Variants in APOBEC3C observed in about 807,000 individuals in gnomAD.
APOBEC3C encodes the protein apolipoprotein B mRNA editing enzyme catalytic subunit 3C.
Under a neutral mutation model 20.6 loss-of-function variants are expected in APOBEC3C, and 14 were observed. The observed-to-expected ratio is 0.68, with a 90% CI of 0.45 to 1.06. The LOEUF is 1.06. Among genes scored for constraint, APOBEC3C ranks in the 50% least tolerant of loss-of-function variants. The pLI, the probability that APOBEC3C is intolerant of heterozygous loss-of-function variation, is 0.00. For synonymous variants in APOBEC3C, 98 were observed against 88.8 expected (o/e 1.10, Z -0.58); for missense variants, 244 against 241.9 (o/e 1.01, Z -0.06).
chr22:39,014,871 G>T (rs1026313513), intron 1 of APOBEC3C, among the ~76,000 whole-genome samples: 1 of 152,206 alleles, frequency 6.6e-6, no homozygotes, highest in Non-Finnish European at 1.5e-5. Context: ...TTCTTCCAAA[G>T]ATGCCTCCAC....
intron 1 of APOBEC3C, among the ~76,000 whole-genome samples, 196 bp from the exon 2 acceptor site, chr22:39,015,399 G>C (rs73887529): frequency 0.056 from 8,557 of 151,880 alleles, 839 homozygotes; most frequent in African/African-American, 0.2. Context: ...CGGCCCTGCT[G>C]CCCCTGCCAG....
chr22:39,017,762 C>A lies in APOBEC3C; in HGVS notation c.175-4C>A. Reference sequence around the variant, plus strand: ...CCCCTGTCCTCCTCCTCCTCCTTCGCCAGGTGGATTCTGAGACCCATTGTC... The same window carrying A: ...CCCCTGTCCTCCTCCTCCTCCTTCGACAGGTGGATTCTGAGACCCATTGTC... On this transcript the variant is annotated splice_region_variant and splice_polypyrimidine_tract_variant and intron_variant, in intron 2 of 3. Coordinates refer to ENST00000361441, the MANE Select transcript of APOBEC3C (RefSeq NM_014508.3). The A allele has an allele frequency of 6.2e-7, 1 of 1,611,572 alleles. No homozygotes were observed. Among genetic ancestry groups the A allele is most frequent in the East Asian group, 2.2e-5 (1 of 44,842 alleles).
chr22:39,016,605 G>A (rs563084758), intron 2 of APOBEC3C, among the ~76,000 whole-genome samples: 1 of 152,124 alleles, frequency 6.6e-6, no homozygotes, highest in Admixed American at 6.5e-5. Context: ...CCTCCCAAAA[G>A]GCCTTGTTTA....
At position 39,020,093 on chromosome 22, in the gene APOBEC3C, G is replaced by C. The variant is rs1924985655; in HGVS notation, c.*1706G>C. Reference sequence around the variant, plus strand: ...TTACAGGCATCAGCCACTATGCCCGGCTGGGATCATATGTTCCACACATGT... The same window carrying C: ...TTACAGGCATCAGCCACTATGCCCGCCTGGGATCATATGTTCCACACATGT... On this transcript the variant is annotated 3_prime_UTR_variant, in exon 4 of 4. Transcript: ENST00000361441. The C allele has an allele frequency of 6.6e-6, 1 of 152,140 alleles. No homozygotes were observed. Among genetic ancestry groups the C allele is most frequent in the Admixed American group, 6.5e-5 (1 of 15,268 alleles). The allele number at this position is 152,140 out of a possible 1,614,324, so 9.4% of individuals were successfully genotyped here.
At position 39,020,147 on chromosome 22, in the gene APOBEC3C, C is replaced by T. The variant is rs1383468625; in HGVS notation, c.*1760C>T. On this transcript the variant is annotated 3_prime_UTR_variant, in exon 4 of 4. Transcript: ENST00000361441. Reference sequence around the variant, plus strand: ...TTCAATAAGCATGGACTGCAACCACCTACATGAATATTCATAGCTCCTCCT... The same window carrying T: ...TTCAATAAGCATGGACTGCAACCACTTACATGAATATTCATAGCTCCTCCT... The T allele has an allele frequency of 1.3e-5, 2 of 152,114 alleles. No individual in the cohort carries two copies. Among genetic ancestry groups the T allele is most frequent in the South Asian group, 2.1e-4 (1 of 4,826 alleles). 9.4% of individuals were successfully genotyped at this position (152,114 alleles called of 1,614,324 possible). A position where few individuals can be genotyped will look rare whatever the true frequency, so the allele number is the denominator to read the frequency against.
In APOBEC3C at chr22:39,018,256, T is replaced by C; in HGVS notation, c.455-13T>C. The C allele has an allele frequency of 1.2e-6, 2 of 1,612,184 alleles. No individual in the cohort carries two copies. The highest frequency in any genetic ancestry group is 2.2e-5 in the East Asian group (1 of 44,882). The stretch of plus-strand genomic sequence containing the variant: ...TGCTGGGCCCTCACTGTTTTCTCCT[T>C]GTTTTTTCTCAGATTTTAAATATTG... On this transcript the variant is annotated splice_polypyrimidine_tract_variant and intron_variant, in intron 3 of 3. Coordinates refer to ENST00000361441, the MANE Select transcript of APOBEC3C (RefSeq NM_014508.3).
rs560491506 is a variant in APOBEC3C, at chr22:39,017,310, G to C, written c.175-456G>C. On this transcript the variant is annotated intron_variant, in intron 2 of 3. Coordinates refer to ENST00000361441, the MANE Select transcript of APOBEC3C (RefSeq NM_014508.3). ...GAAACTCAATGAATAAAACACCCTG[G>C]GGCCTACTATGTAGCCAGAAAAATG... Among the ~76,000 whole-genome samples the C allele has an allele frequency of 2.2e-4, 34 of 151,996 alleles. No homozygotes were observed. In the South Asian group the frequency reaches 2.5e-3, roughly 11 times the overall value.
chr22:39,015,447 G>C, intron 1 of APOBEC3C, 148 bp from the exon 2 acceptor site: 1 of 940,360 alleles, frequency 1.1e-6, no homozygotes, highest in Non-Finnish European at 1.6e-6. Context: ...CTTCCTGCCT[G>C]GGAAAGCAGC....
Position 39,016,133 on chromosome 22 carries a change from C to A in APOBEC3C, c.174+382C>A, listed in dbSNP as rs1055225445. 1.1e-4 allele frequency among the ~76,000 whole-genome samples: 17 copies of A among 151,930 alleles called. No homozygotes were observed. In the South Asian group the frequency reaches 3.5e-3, roughly 32 times the overall value. ...CCTCAAGTGATCCACCAGCCTTGGC[C>A]TCCCAAAGTGCTAGGATTACATGCG... is the stretch of plus-strand genomic sequence containing the variant. On this transcript the variant is annotated intron_variant, in intron 2 of 3. Coordinates refer to ENST00000361441, the MANE Select transcript of APOBEC3C (RefSeq NM_014508.3).
chr22:39,014,348 T>C lies in APOBEC3C; in HGVS notation c.-15T>C. 6.2e-7 allele frequency: 1 copy of C among 1,614,066 alleles called. No individual in the cohort carries two copies. The highest frequency in any genetic ancestry group is 8.5e-7 in the Non-Finnish European group (1 of 1,180,002). Reference sequence around the variant, plus strand: ...AAAGAGTGGGACAGGGACAAGCATATCTAAGAGGCTGAACATGAATCCACA... The same window carrying C: ...AAAGAGTGGGACAGGGACAAGCATACCTAAGAGGCTGAACATGAATCCACA... On this transcript the variant is annotated 5_prime_UTR_variant, in exon 1 of 4. Coordinates refer to ENST00000361441, the MANE Select transcript of APOBEC3C (RefSeq NM_014508.3).
intron 2 of APOBEC3C, among the ~76,000 whole-genome samples, chr22:39,016,727 G>A (rs900738072): frequency 4.6e-5 from 7 of 152,180 alleles, no homozygotes; most frequent in African/African-American, 1.2e-4. Context: ...GTTGTGTCCA[G>A]CGCTGTGTCT....
rs1924849306 is a variant in APOBEC3C at position 39,017,829 on chromosome 22, C to T, written c.238C>T (p.Leu80=). ...CFLSWFCDDI[L]SPNTKYQVTW... Reference sequence around the variant, plus strand: ...CCTCTCTTGGTTCTGCGACGACATACTGTCTCCTAACACAAAGTACCAGGT... The same window carrying T: ...CCTCTCTTGGTTCTGCGACGACATATTGTCTCCTAACACAAAGTACCAGGT... The change falls in exon 3 of 4, where the codon CTG becomes TTG. Residue 80 remains leucine (L), a synonymous_variant. Transcript: ENST00000361441. The T allele has an allele frequency of 6.2e-7, 1 of 1,614,026 alleles. No homozygotes were observed. Among genetic ancestry groups the T allele is most frequent in the Admixed American group, 1.7e-5 (1 of 60,000 alleles).
intron 1 of APOBEC3C, 39 bp from the exon 2 acceptor site, chr22:39,015,556 G>A (rs762553668): frequency 2.4e-5 from 38 of 1,603,850 alleles, no homozygotes; most frequent in East Asian, 1.3e-4. Flanking sequence ...ACTCCGGTGC[G>A]GGGGTCTCTG....
At chr22:39,018,074 G>C (rs1603273667) in intron 3 of APOBEC3C, 29 bp downstream of exon 3, 1 of 1,609,688 alleles carries the variant, frequency 6.2e-7, no homozygotes, top group Non-Finnish European at 8.5e-7. Flanking sequence ...AGGAGAGTGG[G>C]TGCAGGAGGG....
chr22:39,017,830 T>C lies in APOBEC3C; in HGVS notation c.239T>C (p.Leu80Pro), dbSNP rs762510965. The change falls in exon 3 of 4, where the codon CTG becomes CCG. Residue 80 changes from leucine to proline, a missense_variant. Leu to Pro is a moderately conservative substitution (Grantham distance 98). Transcript: ENST00000361441. ...CTCTCTTGGTTCTGCGACGACATAC[T>C]GTCTCCTAACACAAAGTACCAGGTC... ...CFLSWFCDDILSPNTKYQVTW... is the reference protein window; with the variant it reads ...CFLSWFCDDIPSPNTKYQVTW... The C allele has an allele frequency of 6.2e-7, 1 of 1,614,128 alleles. No individual in the cohort carries two copies. The highest frequency in any genetic ancestry group is 8.5e-7 in the Non-Finnish European group (1 of 1,179,972).
Position 39,018,611 on chromosome 22 carries a change from C to A in APOBEC3C, c.*224C>A, listed in dbSNP as rs551996796. On this transcript the variant is annotated 3_prime_UTR_variant, in exon 4 of 4. Transcript: ENST00000361441. The stretch of plus-strand genomic sequence containing the variant: ...GCCTCCATGGCTATCCATCCACCCC[C>A]ACAGACCCCGTTCCTCCAGCCTGCG... The A allele has an allele frequency of 1.9e-4, 88 of 459,732 alleles. No homozygotes were observed. In the East Asian group the frequency reaches 3.4e-3, roughly 18 times the overall value. 28.5% of individuals were successfully genotyped at this position (459,732 alleles called of 1,614,324 possible). A position where few individuals can be genotyped will look rare whatever the true frequency, so the allele number is the denominator to read the frequency against.
At chr22:39,016,204 T>TATTTATTTATTTATTTATTTATTTATTC in intron 2 of APOBEC3C, among the ~76,000 whole-genome samples, 1 of 147,238 alleles carries the variant, frequency 6.8e-6, no homozygotes, top group Admixed American at 6.9e-5. Context: ...TTTATTTATT[T>TATTTATTTATTTATTTATTTATTTATTC]ATTTATTTAT....
intron 1 of APOBEC3C, 85 bp downstream of exon 1, chr22:39,014,464 TGC>T (rs1394841322): frequency 7.0e-7 from 1 of 1,431,324 alleles, no homozygotes; most frequent in Non-Finnish European, 9.4e-7. Context: ...GGCCTCCCCC[TGC>T]CCCAGCCCCA....
rs1044773758 is a variant in APOBEC3C, at chr22:39,019,752, C to G, written c.*1365C>G. The G allele has an allele frequency of 6.6e-6, 1 of 150,808 alleles. No homozygotes were observed. Among genetic ancestry groups the G allele is most frequent in the Non-Finnish European group, 1.5e-5 (1 of 67,922 alleles). The allele number at this position is 150,808 out of a possible 1,614,324, so 9.3% of individuals were successfully genotyped here. A position where few individuals can be genotyped will look rare whatever the true frequency, so the allele number is the denominator to read the frequency against. On this transcript the variant is annotated 3_prime_UTR_variant, in exon 4 of 4. Coordinates refer to ENST00000361441, the MANE Select transcript of APOBEC3C (RefSeq NM_014508.3). ...CCAGCCGTGTCCTCTGTGGCCTTTC[C>G]TCTATGCACACGCACCTCTGGGATC...
Sources: allele counts gnomAD v4.1 joint callset (sites outside exome capture counted in the v4.1 genomes callset), GRCh38; gene constraint gnomAD v4.1.1; transcripts MANE v1.5; gene names NCBI Gene and HGNC (gene_info 2026-07-23, HGNC 2026-07-21).